Variants in PCDHGA7 observed in about 807,000 individuals in gnomAD.
PCDHGA7 encodes protocadherin gamma subfamily A, 7.
In PCDHGA7, 44 loss-of-function variants were observed where a neutral mutation model predicts 58.3. That is an observed-to-expected ratio of 0.75 (90% CI 0.59 to 0.97). The LOEUF is 0.97. PCDHGA7 is among the 50% of genes least tolerant of loss of function. The probability of loss-of-function intolerance (pLI) is 0.00; values close to 1 mark genes in which losing one functional copy is unlikely to be tolerated. For missense variants in PCDHGA7, 1,266 were observed against 1,188.7 expected (o/e 1.06, Z -0.96); for synonymous variants, 516 against 504.2 (o/e 1.02, Z -0.31).
chr5:141,480,240 C>CAA (rs11374694), intron 1 of PCDHGA7, among the ~76,000 whole-genome samples: 156 of 114,060 alleles, frequency 1.4e-3, no homozygotes, highest in Admixed American at 4.6e-3. Flanking sequence ...CCTGTCTCTA[C>CAA]AAAAAAAAAA....
Position 141,486,046 on chromosome 5 carries a change from C to G in PCDHGA7, c.2425-8761C>G. 1.2e-6 allele frequency: 2 copies of G among 1,614,170 alleles called. No individual in the cohort carries two copies. Among genetic ancestry groups the G allele is most frequent in the Non-Finnish European group, 1.7e-6 (2 of 1,180,036 alleles). The stretch of plus-strand genomic sequence containing the variant: ...GTCATACCCCTGATCGTGTAAGAAA[C>G]CTCTTTAGCCTGCACCCCACTACTG... On this transcript the variant is annotated intron_variant, in intron 1 of 3. Coordinates refer to ENST00000518325, the MANE Select transcript of PCDHGA7 (RefSeq NM_018920.4). This position sits in a 1 kb window ranked among gnomAD's most constrained non-coding sequence, Gnocchi z 5.0.
chr5:141,403,202 T>A, intron 1 of PCDHGA7: 4 of 1,613,984 alleles, frequency 2.5e-6, no homozygotes, highest in Non-Finnish European at 3.4e-6. Context: ...CAGCGGCACC[T>A]TGGTCACCGC....
At chr5:141,479,823 G>A (rs1208437635) in intron 1 of PCDHGA7, among the ~76,000 whole-genome samples, 1 of 152,172 alleles carries the variant, frequency 6.6e-6, no homozygotes, top group Admixed American at 6.5e-5. Context: ...TACTATCCAA[G>A]GCATGGTATC....
At position 141,490,776 on chromosome 5, in the gene PCDHGA7, G is replaced by A. The variant is rs1234115299; in HGVS notation, c.2425-4031G>A. 4.3e-6 allele frequency: 7 copies of A among 1,614,162 alleles called. No individual in the cohort carries two copies. Among genetic ancestry groups the A allele is most frequent in the African/African-American group, 1.3e-5 (1 of 75,066 alleles). On this transcript the variant is annotated intron_variant, in intron 1 of 3. Transcript: ENST00000518325. This position sits in a 1 kb window ranked among gnomAD's most constrained non-coding sequence, Gnocchi z 5.4. ...CCTCCTTTGTGTATGTCAACCCAGA[G>A]GATGGACGGATCTTTGCCCAGCGTA...
chr5:141,407,455 C>G (rs2094931708), intron 1 of PCDHGA7, among the ~76,000 whole-genome samples: 1 of 148,412 alleles, frequency 6.7e-6, no homozygotes, highest in African/African-American at 2.5e-5. Context: ...ACGAGGCTCA[C>G]CAGACAGATG....
chr5:141,487,304 C>T lies in PCDHGA7; in HGVS notation c.2425-7503C>T. The T allele has an allele frequency of 6.2e-7, 1 of 1,614,190 alleles. No homozygotes were observed. The highest frequency in any genetic ancestry group is 8.5e-7 in the Non-Finnish European group (1 of 1,180,042). On this transcript the variant is annotated intron_variant, in intron 1 of 3. Transcript: ENST00000518325. This position sits in a 1 kb window ranked among gnomAD's most constrained non-coding sequence, Gnocchi z 5.0. ...TGTCTCCTTTGGCTCATTCGTGGCA[C>T]TACTCTCTAAGTGTCTTCGTGGGGC...
At chr5:141,404,882 G>T (rs1380203392) in intron 1 of PCDHGA7, 3 of 1,613,772 alleles carry the variant, frequency 1.9e-6, no homozygotes, top group Non-Finnish European at 2.5e-6. Context: ...GAGCCTTGTG[G>T]TGGCTGTACA....
intron 1 of PCDHGA7, chr5:141,428,064 G>A: frequency 6.2e-7 from 1 of 1,609,060 alleles, no homozygotes; most frequent in East Asian, 2.2e-5. Flanking sequence ...GGCGGTGGAC[G>A]CAGATTCGGG....
rs755163825 is a variant in PCDHGA7, at chr5:141,491,048, C to A, written c.2425-3759C>A. 6.2e-6 allele frequency: 10 copies of A among 1,613,948 alleles called. No individual in the cohort carries two copies. Among genetic ancestry groups the A allele is most frequent in the Non-Finnish European group, 7.6e-6 (9 of 1,179,960 alleles). ...GTGGATGCTGATGCAGGCCACAATG[C>A]GTGGCTCTCCTACTCACTGTTGCCA... On this transcript the variant is annotated intron_variant, in intron 1 of 3. Coordinates refer to ENST00000518325, the MANE Select transcript of PCDHGA7 (RefSeq NM_018920.4). The surrounding 1 kb of genome is among the most constrained non-coding windows in gnomAD (Gnocchi z 6.9).
rs183968443 is a variant in PCDHGA7 at position 141,495,033 on chromosome 5, G to A, written c.2483+168G>A. On this transcript the variant is annotated intron_variant, in intron 2 of 3. Coordinates refer to ENST00000518325, the MANE Select transcript of PCDHGA7 (RefSeq NM_018920.4). ...GGGGCTGGCACACAGACCCCGGAAG[G>A]AAGAGGCGACTGCCCTGACTGTTCA... is the stretch of plus-strand genomic sequence containing the variant. 1.4e-3 allele frequency: 1,380 copies of A among 968,234 alleles called. 4 individuals are homozygous for A. Among genetic ancestry groups the A allele is most frequent in the Middle Eastern group, 5.3e-3 (10 of 1,888 alleles). 60.0% of individuals were successfully genotyped at this position (968,234 alleles called of 1,614,324 possible).
chr5:141,448,565 AT>A (rs2098595794), intron 1 of PCDHGA7, among the ~76,000 whole-genome samples: 1 of 152,070 alleles, frequency 6.6e-6, no homozygotes, highest in Non-Finnish European at 1.5e-5. Flanking sequence ...ATATATTTTT[AT>A]TTCCCCATTT....
In PCDHGA7 at chr5:141,512,809, A is replaced by C. The variant is rs2099884438; in HGVS notation, c.*1636A>C. ...GTGTTTTGTGCTGTGTCCACGCGCT[A>C]AGGCGACCCCCTCCCCCGTACTGAC... On this transcript the variant is annotated 3_prime_UTR_variant, in exon 4 of 4. Coordinates refer to ENST00000518325, the MANE Select transcript of PCDHGA7 (RefSeq NM_018920.4). 6.6e-6 allele frequency: 1 copy of C among 152,130 alleles called. No homozygotes were observed. The highest frequency in any genetic ancestry group is 2.4e-5 in the African/African-American group (1 of 41,404). The allele number at this position is 152,130 out of a possible 1,614,324, so 9.4% of individuals were successfully genotyped here. A position where few individuals can be genotyped will look rare whatever the true frequency, so the allele number is the denominator to read the frequency against.
At chr5:141,430,252 A>C (rs1292590200) in intron 1 of PCDHGA7, among the ~76,000 whole-genome samples, 1 of 102,244 alleles carries the variant, frequency 9.8e-6, no homozygotes, top group Admixed American at 1.0e-4. Context: ...CTAGGGAGAC[A>C]TCTCCATAAT....
intron 1 of PCDHGA7, chr5:141,421,710 A>G (rs781498853): frequency 1.2e-6 from 2 of 1,613,940 alleles, no homozygotes; most frequent in South Asian, 2.2e-5. Flanking sequence ...CTAGGGATCC[A>G]GATGTGGGCG....
intron 1 of PCDHGA7, among the ~76,000 whole-genome samples, chr5:141,455,998 T>C (rs1301217416): frequency 2.6e-5 from 4 of 151,692 alleles, no homozygotes; most frequent in Non-Finnish European, 4.4e-5. Flanking sequence ...CTCGGGTTCA[T>C]GCCATTCTCC....
At chr5:141,390,529 T>C in intron 1 of PCDHGA7, 1 of 537,128 alleles carries the variant, frequency 1.9e-6, no homozygotes, top group Non-Finnish European at 3.3e-6. Context: ...GAGGGTGTGG[T>C]TTTAACCACA....
chr5:141,490,042 G>A lies in PCDHGA7; in HGVS notation c.2425-4765G>A. On this transcript the variant is annotated intron_variant, in intron 1 of 3. Transcript: ENST00000518325. This position sits in a 1 kb window ranked among gnomAD's most constrained non-coding sequence, Gnocchi z 5.4. ...TCTGCTGCTCCGCCTCAATGCCACT[G>A]ATCCAGACGAGGGCACCAACGGCCA... The A allele has an allele frequency of 6.2e-7, 1 of 1,614,266 alleles. No homozygotes were observed. Among genetic ancestry groups the A allele is most frequent in the Non-Finnish European group, 8.5e-7 (1 of 1,180,038 alleles).
chr5:141,418,916 T>C (rs766021059), intron 1 of PCDHGA7: 26 of 1,613,830 alleles, frequency 1.6e-5, no homozygotes, highest in Non-Finnish European at 1.7e-6. Context: ...CACGTCACTC[T>C]CTGATCAGAT....
chr5:141,491,666 G>T lies in PCDHGA7; in HGVS notation c.2425-3141G>T, dbSNP rs373526771. Reference sequence around the variant, plus strand: ...CTGGCGCTGGAGCCTGACGCCATCCGGTCCCGCTCTAATACGCTGCGGGAG... The same window carrying T: ...CTGGCGCTGGAGCCTGACGCCATCCTGTCCCGCTCTAATACGCTGCGGGAG... On this transcript the variant is annotated intron_variant, in intron 1 of 3. Transcript: ENST00000518325. This position sits in a 1 kb window ranked among gnomAD's most constrained non-coding sequence, Gnocchi z 6.9. 1.2e-6 allele frequency: 2 copies of T among 1,613,732 alleles called. No homozygotes were observed. Among genetic ancestry groups the T allele is most frequent in the Non-Finnish European group, 1.7e-6 (2 of 1,180,008 alleles).
Sources: allele counts gnomAD v4.1 joint callset (sites outside exome capture counted in the v4.1 genomes callset), GRCh38; gene constraint gnomAD v4.1.1; non-coding constraint Gnocchi (gnomAD v3.1); transcripts MANE v1.5; gene names NCBI Gene and HGNC (gene_info 2026-07-23, HGNC 2026-07-21).